Variants in DPF3 observed in about 807,000 individuals in gnomAD.
DPF3 encodes zinc finger protein DPF3.
Under a neutral mutation model 56.8 loss-of-function variants are expected in DPF3, and 18 were observed. The ratio of observed to expected loss-of-function variants is 0.32; its 90% confidence interval spans 0.22 to 0.47. The LOEUF (loss-of-function observed/expected upper bound fraction) is 0.47. DPF3 is among the 20% of genes least tolerant of loss of function. The pLI, the probability that DPF3 is intolerant of heterozygous loss-of-function variation, is 1.00. For missense variants in DPF3, 403 were observed against 488.8 expected, an observed-to-expected ratio of 0.82 and a Z score of 1.65; for synonymous variants, 188 against 180.2, an observed-to-expected ratio of 1.04 and a Z score of -0.35.
chr14:72,713,089 C>G (rs566247119), intron 6 of DPF3, among the ~76,000 whole-genome samples: 4 of 152,332 alleles, frequency 2.6e-5, no homozygotes, highest in African/African-American at 9.6e-5. Context: ...TGAAACTGAA[C>G]GCCATGTAGG....
chr14:72,737,590 A>AT, intron 3 of DPF3, among the ~76,000 whole-genome samples: 1 of 152,352 alleles, frequency 6.6e-6, no homozygotes, highest in Middle Eastern at 3.4e-3. Flanking sequence ...ATGGATTATA[A>AT]TAAAATATGC....
intron 1 of DPF3, among the ~76,000 whole-genome samples, chr14:72,863,058 TTATATATATATATATATATATA>T (rs58405648): frequency 0.033 from 4,585 of 139,928 alleles, 266 homozygotes; most frequent in African/African-American, 0.11. Flanking sequence ...ATTATTCCAT[TTATATATATATATATATATATA>T]TATATATATA....
chr14:72,656,411 T>C (rs1489628603), intron 8 of DPF3, among the ~76,000 whole-genome samples: 1 of 152,184 alleles, frequency 6.6e-6, no homozygotes, highest in Non-Finnish European at 1.5e-5. Flanking sequence ...TCAGCTATAA[T>C]TGTGCCTTGC....
At chr14:72,721,745 C>T (rs1889182165) in intron 5 of DPF3, among the ~76,000 whole-genome samples, 3 of 152,142 alleles carry the variant, frequency 2.0e-5, no homozygotes, top group Admixed American at 2.0e-4. Flanking sequence ...CACACATACA[C>T]AAACACACAC....
intron 4 of DPF3, among the ~76,000 whole-genome samples, chr14:72,729,933 A>G (rs1048492268): frequency 6.6e-6 from 1 of 152,186 alleles, no homozygotes; most frequent in Non-Finnish European, 1.5e-5. Flanking sequence ...TTGGGTGATA[A>G]TGATGAGTCA....
intron 7 of DPF3, among the ~76,000 whole-genome samples, chr14:72,692,536 A>T (rs1281485554): frequency 6.6e-6 from 1 of 152,230 alleles, no homozygotes; most frequent in Non-Finnish European, 1.5e-5. Flanking sequence ...CACATTTGCC[A>T]TTTGAATGCT....
At chr14:72,785,071 A>G (rs1308867257) in intron 1 of DPF3, among the ~76,000 whole-genome samples, 2 of 152,160 alleles carry the variant, frequency 1.3e-5, no homozygotes, top group African/African-American at 4.8e-5. Flanking sequence ...GAATCACTTG[A>G]GGCCAGGAGT....
intron 1 of DPF3, among the ~76,000 whole-genome samples, chr14:72,841,106 G>A (rs1281468392): frequency 1.3e-5 from 2 of 152,058 alleles, no homozygotes; most frequent in Non-Finnish European, 2.9e-5. Flanking sequence ...TTATGAGGGA[G>A]CAGTGTGTGA....
intron 8 of DPF3, among the ~76,000 whole-genome samples, chr14:72,672,414 A>T (rs1886729017): frequency 6.6e-6 from 1 of 152,206 alleles, no homozygotes; most frequent in African/African-American, 2.4e-5. Flanking sequence ...GAGGCTCCAG[A>T]GAAGTATTCG....
At chr14:72,822,950 C>T (rs1370113089) in intron 1 of DPF3, among the ~76,000 whole-genome samples, 1 of 152,200 alleles carries the variant, frequency 6.6e-6, no homozygotes, top group African/African-American at 2.4e-5. Context: ...ATGAAGATCT[C>T]ACCCAATTTC....
chr14:72,697,322 T>C (rs1017224219), intron 6 of DPF3, among the ~76,000 whole-genome samples: 14 of 152,082 alleles, frequency 9.2e-5, no homozygotes, highest in South Asian at 8.3e-4. Flanking sequence ...GAGATCTGCA[T>C]GTAAACAAGC....
At chr14:72,624,407 C>T (rs1224077368) in intron 9 of DPF3, among the ~76,000 whole-genome samples, 1 of 139,326 alleles carries the variant, frequency 7.2e-6, no homozygotes, top group Non-Finnish European at 1.5e-5. Flanking sequence ...GGTGCCATCT[C>T]GGCTCACTGC....
At chr14:72,776,811 C>T (rs1335705330) in intron 1 of DPF3, among the ~76,000 whole-genome samples, 2 of 151,836 alleles carry the variant, frequency 1.3e-5, no homozygotes, top group Non-Finnish European at 2.9e-5. Context: ...GCAAGTTTCT[C>T]ATCTTCTGCC....
At chr14:72,751,312 T>C (rs1033512432) in intron 3 of DPF3, among the ~76,000 whole-genome samples, 7 of 152,386 alleles carry the variant, frequency 4.6e-5, no homozygotes, top group East Asian at 3.9e-4. Context: ...TTGGTACTTA[T>C]GGTCATGTCA....
chr14:72,702,713 A>T (rs1888224781), intron 6 of DPF3, among the ~76,000 whole-genome samples: 1 of 152,004 alleles, frequency 6.6e-6, no homozygotes, highest in Admixed American at 6.6e-5. Context: ...GCCCTGTGTG[A>T]CTCCCAGATA....
At chr14:72,626,385 C>G (rs1884829700) in intron 9 of DPF3, among the ~76,000 whole-genome samples, 2 of 152,122 alleles carry the variant, frequency 1.3e-5, no homozygotes, top group Admixed American at 6.5e-5. Flanking sequence ...TGAGCAAATG[C>G]ATGTAGGTTT....
rs1201504544 is a variant in DPF3 at position 72,894,073 on chromosome 14, G to A, written c.16C>T (p.His6Tyr). The change falls in exon 1 of 11, where the codon CAC becomes TAC. Residue 6 changes from histidine (H) to tyrosine (Y), a missense_variant. Coordinates refer to ENST00000556509, the MANE Select transcript of DPF3 (RefSeq NM_001280542.3). ...CTTACTTACGCTTTCAGGGGGTTGTGAATGACAGTCGCCATTTTGCTACAA... is the reference window on the plus strand; with the variant it reads ...CTTACTTACGCTTTCAGGGGGTTGTAAATGACAGTCGCCATTTTGCTACAA... Reference protein sequence around the residue: MATVIHNPLKALGDQF... With the variant: MATVIYNPLKALGDQF... 6.2e-7 allele frequency: 1 copy of A among 1,608,934 alleles called. No homozygotes were observed. Among genetic ancestry groups the A allele is most frequent in the Non-Finnish European group, 8.5e-7 (1 of 1,178,346 alleles).
chr14:72,661,127 C>T (rs751111123), intron 8 of DPF3: 4 of 984,958 alleles, frequency 4.1e-6, no homozygotes, highest in Non-Finnish European at 4.8e-6. Flanking sequence ...ACCTTTATCA[C>T]AGTTCTACAC....
Position 72,649,984 on chromosome 14 carries a change from G to A in DPF3, c.872-20248C>T, listed in dbSNP as rs183695781. On this transcript the variant is annotated intron_variant, in intron 8 of 10. Coordinates refer to ENST00000556509, the MANE Select transcript of DPF3 (RefSeq NM_001280542.3). ...CTTCCCCTGACACAGGAGGCCGAGC[G>A]GCTGATGAGCAAACTCCAGAGAGCA... 1.5e-4 allele frequency among the ~76,000 whole-genome samples: 23 copies of A among 152,282 alleles called. No individual in the cohort carries two copies. The East Asian group carries it at 4.1e-3, about 27-fold the overall frequency.
Sources: gnomAD v4.1 joint callset for allele counts (sites outside exome capture counted in the v4.1 genomes callset) on GRCh38, gnomAD v4.1.1 for gene constraint, MANE v1.5 for transcripts, NCBI Gene and HGNC (gene_info 2026-07-23, HGNC 2026-07-21) for gene names.